The following GARRE1 variants were observed in gnomAD, a reference collection of about 807,000 sequenced individuals.
GARRE1 encodes granule associated Rac and RHOG effector 1, also known as granule associated Rac and RHOG effector protein 1.
GARRE1 carries 49 observed loss-of-function variants against 103.2 expected under a neutral mutation model. That is an observed-to-expected ratio of 0.47 (90% CI 0.38 to 0.60). The LOEUF is 0.60. Among genes scored for constraint, GARRE1 ranks in the 20% least tolerant of loss-of-function variants. GARRE1 has a pLI of 0.00. For synonymous variants in GARRE1, 505 were observed against 532.8 expected (o/e 0.95, Z 0.72); for missense variants, 1,199 against 1,370.5 (o/e 0.87, Z 1.98).
intron 2 of GARRE1, among the ~76,000 whole-genome samples, chr19:34,304,605 T>C (rs2145245639): frequency 6.6e-6 from 1 of 152,000 alleles, no homozygotes; most frequent in Non-Finnish European, 1.5e-5. Flanking sequence ...CTCAAACTCC[T>C]GACCTCAAGT....
intron 1 of GARRE1, among the ~76,000 whole-genome samples, chr19:34,266,953 T>G (rs2073756311): frequency 6.6e-6 from 1 of 151,828 alleles, no homozygotes; most frequent in Non-Finnish European, 1.5e-5. Flanking sequence ...TTGTTAAGAG[T>G]GGCAGTATAG....
chr19:34,336,737 T>C (rs1012739340), intron 8 of GARRE1, among the ~76,000 whole-genome samples: 6 of 152,244 alleles, frequency 3.9e-5, no homozygotes, highest in African/African-American at 1.4e-4. Context: ...CCCAAAGTGC[T>C]GGGATTACAG....
chr19:34,307,995 G>T (rs2074018653), intron 2 of GARRE1, among the ~76,000 whole-genome samples: 1 of 150,748 alleles, frequency 6.6e-6, no homozygotes, highest in African/African-American at 2.4e-5. Flanking sequence ...TTGGCTTTCA[G>T]TTTGACACAA....
chr19:34,300,458 C>T lies in GARRE1; in HGVS notation c.-16C>T. 1 of 1,532,460 alleles carries T rather than the reference C, an allele frequency of 6.5e-7. No individual in the cohort carries two copies. The highest frequency in any genetic ancestry group is 8.8e-7 in the Non-Finnish European group (1 of 1,137,188). 94.9% of individuals were successfully genotyped at this position (1,532,460 alleles called of 1,614,324 possible). A position where few individuals can be genotyped will look rare whatever the true frequency, so the allele number is the denominator to read the frequency against. On this transcript the variant is annotated 5_prime_UTR_variant, in exon 2 of 14. Transcript: ENST00000299505. ...CCTGACCCACTTACGGTTGCTGGGA[C>T]AATTCCCCCTCCCGCATGTATTGCT...
At position 34,280,331 on chromosome 19, in the gene GARRE1, T is replaced by C. The variant is rs111875068; in HGVS notation, c.-795-19348T>C. 2.3e-3 allele frequency among the ~76,000 whole-genome samples: 349 copies of C among 152,350 alleles called. 2 individuals carry two copies. Among genetic ancestry groups the C allele is most frequent in the African/African-American group, 8.2e-3 (341 of 41,584 alleles). On this transcript the variant is annotated intron_variant, in intron 1 of 13. Coordinates refer to ENST00000299505, the MANE Select transcript of GARRE1 (RefSeq NM_014686.5). Reference sequence around the variant, plus strand: ...GCTATATCACTAGTGATTAGTGATGTTGAGCATCTTTTCATGTGCTTATTA... The same window carrying C: ...GCTATATCACTAGTGATTAGTGATGCTGAGCATCTTTTCATGTGCTTATTA...
chr19:34,288,343 ACT>A (rs2073898653), intron 1 of GARRE1, among the ~76,000 whole-genome samples: 1 of 152,006 alleles, frequency 6.6e-6, no homozygotes, highest in African/African-American at 2.4e-5. Flanking sequence ...GGAAACTGTG[ACT>A]CTTCCCCCAC....
At chr19:34,345,423 GGT>G (rs1489771749) in intron 10 of GARRE1, among the ~76,000 whole-genome samples, 9 of 152,234 alleles carry the variant, frequency 5.9e-5, no homozygotes, top group Non-Finnish European at 1.0e-4. Flanking sequence ...GCCACCCACT[GGT>G]GTGGGCACAG....
chr19:34,278,109 C>T (rs1029426324), intron 1 of GARRE1, among the ~76,000 whole-genome samples: 1 of 151,850 alleles, frequency 6.6e-6, no homozygotes, highest in African/African-American at 2.4e-5. Context: ...GTTGTGCAGC[C>T]ATCACCACCA....
intron 7 of GARRE1, among the ~76,000 whole-genome samples, chr19:34,330,805 G>A (rs559896716): frequency 2.0e-5 from 3 of 147,276 alleles, no homozygotes; most frequent in Non-Finnish European, 4.5e-5. Flanking sequence ...GTGCAGTGGC[G>A]CAATCTCAAC....
intron 8 of GARRE1, among the ~76,000 whole-genome samples, chr19:34,337,163 A>G (rs1263847134): frequency 6.6e-6 from 1 of 151,604 alleles, no homozygotes; most frequent in East Asian, 1.9e-4. Flanking sequence ...CTATCCATCC[A>G]TGCTTTGTTT....
intron 8 of GARRE1, among the ~76,000 whole-genome samples, 187 bp from the exon 9 acceptor site, chr19:34,339,680 T>C (rs1421305821): frequency 6.6e-6 from 1 of 152,230 alleles, no homozygotes. Flanking sequence ...CCTTTTTGCT[T>C]CCTACTCCTC....
At chr19:34,336,749 C>T (rs2074162887) in intron 8 of GARRE1, among the ~76,000 whole-genome samples, 1 of 152,188 alleles carries the variant, frequency 6.6e-6, no homozygotes, top group Non-Finnish European at 1.5e-5. Context: ...GGATTACAGG[C>T]GTGAGCCACT....
chr19:34,290,322 C>T (rs1331450590), intron 1 of GARRE1, among the ~76,000 whole-genome samples: 1 of 152,022 alleles, frequency 6.6e-6, no homozygotes, highest in Non-Finnish European at 1.5e-5. Context: ...CACCACTGTA[C>T]TCCAGCCTGG....
chr19:34,270,775 T>C (rs2073782475), intron 1 of GARRE1, among the ~76,000 whole-genome samples: 2 of 152,250 alleles, frequency 1.3e-5, no homozygotes, highest in South Asian at 2.1e-4. Flanking sequence ...TAACTTGTTA[T>C]ACATTAGTTA....
chr19:34,327,604 A>G (rs1457973081), intron 4 of GARRE1, 43 bp downstream of exon 4: 6 of 1,604,584 alleles, frequency 3.7e-6, no homozygotes, highest in Admixed American at 3.3e-5. Flanking sequence ...ACGGGATAGA[A>G]ACAAGGGAGG....
chr19:34,273,725 G>A (rs994004184), intron 1 of GARRE1, among the ~76,000 whole-genome samples: 2 of 152,212 alleles, frequency 1.3e-5, no homozygotes, highest in East Asian at 1.9e-4. Context: ...GGAACCCCTC[G>A]CTCAGTCTGT....
intron 1 of GARRE1, among the ~76,000 whole-genome samples, chr19:34,271,790 G>A (rs147431179): frequency 1.1e-3 from 161 of 151,952 alleles, no homozygotes; most frequent in African/African-American, 3.7e-3. Context: ...AGCTATGATC[G>A]TGCCACTGTG....
chr19:34,346,349 G>A (rs1420716798), intron 10 of GARRE1, among the ~76,000 whole-genome samples: 1 of 152,014 alleles, frequency 6.6e-6, no homozygotes, highest in Non-Finnish European at 1.5e-5. Flanking sequence ...CATTGCCAGT[G>A]TTTCCAGCCA....
At chr19:34,280,608 G>T (rs1032104965) in intron 1 of GARRE1, among the ~76,000 whole-genome samples, 16 of 152,074 alleles carry the variant, frequency 1.1e-4, no homozygotes, top group Admixed American at 3.9e-4. Flanking sequence ...TCCTATCCAA[G>T]AAATTATTGC....
Sources: allele counts gnomAD v4.1 joint callset (sites outside exome capture counted in the v4.1 genomes callset), GRCh38; gene constraint gnomAD v4.1.1; transcripts MANE v1.5; gene names NCBI Gene and HGNC (gene_info 2026-07-23, HGNC 2026-07-21).